BMP2K: variants seen among roughly 807,000 people sequenced by gnomAD.
BMP2K encodes the protein BMP-2-inducible protein kinase.
In BMP2K, 74 loss-of-function variants were observed where a neutral mutation model predicts 116.0. The ratio of observed to expected loss-of-function variants is 0.64; its 90% CI spans 0.53 to 0.77. The LOEUF (loss-of-function observed/expected upper bound fraction) is 0.77, where lower values mean the gene tolerates loss of function less well. Ranked by LOEUF, BMP2K falls within the 30% of genes least tolerant of loss-of-function variation. The probability of loss-of-function intolerance (pLI) is 0.00; values close to 1 mark genes in which losing one functional copy is unlikely to be tolerated. For synonymous variants in BMP2K, 486 were observed against 502.5 expected (o/e 0.97, Z 0.44); for missense variants, 1,365 against 1,403.6 (o/e 0.97, Z 0.44).
At chr4:78,861,327 A>C in intron 8 of BMP2K, 62 bp from the exon 9 acceptor site, 1 of 1,375,930 alleles carries the variant, frequency 7.3e-7, no homozygotes, top group Non-Finnish European at 1.0e-6. Context: ...CATAGCTTAC[A>C]AAAACTTTCT....
At chr4:78,867,136 C>T (rs767015524) in intron 10 of BMP2K, among the ~76,000 whole-genome samples, 1 of 147,776 alleles carries the variant, frequency 6.8e-6, no homozygotes, top group Non-Finnish European at 1.5e-5. Context: ...CTCACTGCTG[C>T]ACACCAGCCT....
chr4:78,821,984 A>G (rs1226141410), intron 1 of BMP2K, among the ~76,000 whole-genome samples: 3 of 152,226 alleles, frequency 2.0e-5, no homozygotes, highest in Admixed American at 1.3e-4. Context: ...AATGGCTTAC[A>G]AGAAGAAGTT....
chr4:78,880,583 A>G (rs1306372822), intron 14 of BMP2K, among the ~76,000 whole-genome samples: 2 of 152,340 alleles, frequency 1.3e-5, no homozygotes, highest in East Asian at 1.9e-4. Flanking sequence ...AAAATGTGTT[A>G]TTCTAAGTTC....
chr4:78,830,010 G>A (rs532901527), intron 2 of BMP2K, among the ~76,000 whole-genome samples: 4 of 152,038 alleles, frequency 2.6e-5, no homozygotes, highest in African/African-American at 9.7e-5. Flanking sequence ...GAGGAGCTGG[G>A]ACTATAGGCA....
In BMP2K at chr4:78,859,638, ATT is replaced by A; in HGVS notation, c.941_942del (p.Phe314CysfsTer3). ...AGACCTGATATATTTCAAGTGTCATATTTTGCATTTAAATTTGCCAAAAAGGA... is the reference window on the plus strand; with the variant it reads ...AGACCTGATATATTTCAAGTGTCATATTGCATTTAAATTTGCCAAAAAGGA... On this transcript the variant is annotated frameshift_variant, in exon 8 of 16. Transcript: ENST00000502613. LOFTEE classifies it high-confidence loss of function. 1 of 1,611,046 alleles carries A rather than the reference ATT, an allele frequency of 6.2e-7. No homozygotes were observed. Among genetic ancestry groups the A allele is most frequent in the Non-Finnish European group, 8.5e-7 (1 of 1,178,362 alleles).
chr4:78,828,372 C>T (rs1729981671), intron 2 of BMP2K, among the ~76,000 whole-genome samples: 1 of 152,222 alleles, frequency 6.6e-6, no homozygotes, highest in Admixed American at 6.5e-5. Context: ...TCCGTGGGCA[C>T]ACCTCCCTCC....
chr4:78,872,532 AAG>A, intron 12 of BMP2K, 80 bp from the exon 13 acceptor site: 1 of 1,267,686 alleles, frequency 7.9e-7, no homozygotes, highest in Non-Finnish European at 1.1e-6. Context: ...ATGTGAAAGG[AAG>A]GAACATAGTA....
intron 11 of BMP2K, 87 bp downstream of exon 11, chr4:78,871,147 G>T: frequency 6.4e-7 from 1 of 1,554,146 alleles, no homozygotes; most frequent in Non-Finnish European, 8.7e-7. Context: ...TGTATCATGG[G>T]CACCTTGAAC....
At chr4:78,810,797 G>C (rs1473142443) in intron 1 of BMP2K, among the ~76,000 whole-genome samples, 1 of 150,382 alleles carries the variant, frequency 6.6e-6, no homozygotes, top group East Asian at 1.9e-4. Flanking sequence ...TGTTTTTACT[G>C]AGATTCATCC....
intron 15 of BMP2K, among the ~76,000 whole-genome samples, chr4:78,894,970 G>T (rs2110085121): frequency 6.6e-6 from 1 of 152,300 alleles, no homozygotes; most frequent in Middle Eastern, 3.4e-3. Context: ...CGGTAGATCA[G>T]TCAGAACACA....
Position 78,844,062 on chromosome 4 carries a change from TATCTA to T in BMP2K, c.547-864_547-860del, listed in dbSNP as rs372557043. 1.4e-4 allele frequency among the ~76,000 whole-genome samples: 22 copies of T among 151,938 alleles called. No homozygotes were observed. In the South Asian group the frequency reaches 4.6e-3, roughly 31 times the overall value. On this transcript the variant is annotated intron_variant, in intron 4 of 15. Coordinates refer to ENST00000502613, the MANE Select transcript of BMP2K (RefSeq NM_198892.2). ...ATAAAATGGAAATAAATGAATTACT[TATCTA>T]AGACTATCATAAAAATAAAAGACAT...
intron 2 of BMP2K, among the ~76,000 whole-genome samples, chr4:78,827,233 T>C (rs1379742682): frequency 6.6e-5 from 10 of 152,016 alleles, no homozygotes; most frequent in Admixed American, 6.6e-4. Context: ...CACTGTCTTA[T>C]CTTTCTTTCT....
At chr4:78,824,406 A>G (rs564231728) in intron 1 of BMP2K, among the ~76,000 whole-genome samples, 1 of 152,324 alleles carries the variant, frequency 6.6e-6, no homozygotes, top group East Asian at 1.9e-4. Flanking sequence ...AATGAGGAGC[A>G]GAGTTACAAC....
chr4:78,847,844 A>G (rs1332669655), intron 6 of BMP2K, among the ~76,000 whole-genome samples: 3 of 151,670 alleles, frequency 2.0e-5, no homozygotes. Context: ...TTTTATAAAT[A>G]CGTTTGTGAT....
intron 14 of BMP2K, among the ~76,000 whole-genome samples, chr4:78,885,384 T>G (rs1480069479): frequency 6.6e-6 from 1 of 152,178 alleles, no homozygotes; most frequent in Non-Finnish European, 1.5e-5. Flanking sequence ...TCAGTATCAC[T>G]GGGGGGCTAG....
rs767743067 is a variant in BMP2K, at chr4:78,885,297, A to G, written c.1952-1877A>G. Among the ~76,000 whole-genome samples the G allele has an allele frequency of 2.1e-4, 32 of 152,320 alleles. No homozygotes were observed. The South Asian group carries it at 5.6e-3, about 27-fold the overall frequency. On this transcript the variant is annotated intron_variant, in intron 14 of 15. Transcript: ENST00000502613. ...AAGGTTTTGAAAGAATTAGTTGCCC[A>G]TAGGAGTAATTATATTTAGAATATA...
rs577893377 is a variant in BMP2K at position 78,806,198 on chromosome 4, AT to A, written c.179-19829del. On this transcript the variant is annotated intron_variant, in intron 1 of 15. Coordinates refer to ENST00000502613, the MANE Select transcript of BMP2K (RefSeq NM_198892.2). The stretch of plus-strand genomic sequence containing the variant: ...TGTATATATTTAAATTTTTAGGATA[AT>A]TTTTTTTTTGGAGGCAGGATCTTAC... Among the ~76,000 whole-genome samples, 95 of 148,188 alleles carry A rather than the reference AT, an allele frequency of 6.4e-4. 2 individuals carry two copies. The South Asian group carries it at 0.018, about 28-fold the overall frequency.
intron 15 of BMP2K, among the ~76,000 whole-genome samples, chr4:78,889,559 T>C (rs988482776): frequency 6.6e-6 from 1 of 152,174 alleles, no homozygotes; most frequent in African/African-American, 2.4e-5. Flanking sequence ...TTTTCTTTAA[T>C]AGCAAAATAA....
chr4:78,914,146 T>C lies in BMP2K; in HGVS notation c.*2113T>C, dbSNP rs957065010. 6.6e-6 allele frequency: 1 copy of C among 152,068 alleles called. No homozygotes were observed. The highest frequency in any genetic ancestry group is 2.4e-5 in the African/African-American group (1 of 41,446). 9.4% of individuals were successfully genotyped at this position (152,068 alleles called of 1,614,324 possible). A position where few individuals can be genotyped will look rare whatever the true frequency, so the allele number is the denominator to read the frequency against. ...ATTAGTCCTTGGTCTCTGCTAGACC[T>C]CATGAGTTTCATCATTTAGAAAAGG... On this transcript the variant is annotated 3_prime_UTR_variant, in exon 16 of 16. Coordinates refer to ENST00000502613, the MANE Select transcript of BMP2K (RefSeq NM_198892.2).
Sources: allele counts gnomAD v4.1 joint callset (sites outside exome capture counted in the v4.1 genomes callset), GRCh38; gene constraint gnomAD v4.1.1; transcripts MANE v1.5; gene names NCBI Gene and HGNC (gene_info 2026-07-23, HGNC 2026-07-21).